LRGUK: variants seen among roughly 807,000 people sequenced by gnomAD.
LRGUK encodes leucine rich repeats and guanylate kinase domain containing.
A neutral mutation model predicts 76.0 loss-of-function variants in LRGUK; 65 were observed. That is an observed-to-expected ratio of 0.85 (90% CI 0.70 to 1.05). The LOEUF (loss-of-function observed/expected upper bound fraction) is 1.05. Among genes scored for constraint, LRGUK ranks in the 50% least tolerant of loss-of-function variants. The pLI, the probability that LRGUK is intolerant of heterozygous loss-of-function variation, is 0.00. For missense variants in LRGUK, 758 were observed against 732.8 expected, an observed-to-expected ratio of 1.03 and a Z score of -0.40; for synonymous variants, 268 against 265.6, an observed-to-expected ratio of 1.01 and a Z score of -0.09.
chr7:134,200,399 T>C (rs555851030), intron 14 of LRGUK, among the ~76,000 whole-genome samples: 95 of 152,276 alleles, frequency 6.2e-4, no homozygotes, highest in Admixed American at 9.8e-4. Flanking sequence ...GAGAAAATTC[T>C]CTGTGTCTAG....
At chr7:134,153,260 G>A (rs1224283369) in intron 5 of LRGUK, among the ~76,000 whole-genome samples, 1 of 151,926 alleles carries the variant, frequency 6.6e-6, no homozygotes, top group African/African-American at 2.4e-5. Flanking sequence ...AATTGTAGTA[G>A]ATTATATCTA....
rs1476409486 is a variant in LRGUK, at chr7:134,191,750, TG to T, written c.1431+1del. The T allele has an allele frequency of 1.3e-6, 2 of 1,595,622 alleles. No individual in the cohort carries two copies. Among genetic ancestry groups the T allele is most frequent in the African/African-American group, 2.7e-5 (2 of 74,566 alleles). On this transcript the variant is annotated frameshift_variant and splice_region_variant, in exon 12 of 16. Transcript: ENST00000645682. LOFTEE classifies it high-confidence loss of function. ...GACGTTTTTGATGAAATGGTGAACA[TG>T]GTAAGAATGTTTGCCTTTGTTTTTA... is the stretch of plus-strand genomic sequence containing the variant.
intron 15 of LRGUK, among the ~76,000 whole-genome samples, chr7:134,207,591 G>T (rs531258687): frequency 6.6e-6 from 1 of 152,276 alleles, no homozygotes; most frequent in East Asian, 1.9e-4. Flanking sequence ...TGCGTGTCCA[G>T]ACCAGGGGCT....
At chr7:134,213,696 A>G (rs1217802648), downstream of LRGUK, among the ~76,000 whole-genome samples, 3 of 152,092 alleles carry the variant, frequency 2.0e-5, no homozygotes, top group South Asian at 2.1e-4. Context: ...TTGGTAGTAT[A>G]TGTTCCTAAT....
downstream of LRGUK, among the ~76,000 whole-genome samples, chr7:134,265,175 G>A (rs1484111076): frequency 6.6e-6 from 1 of 152,100 alleles, no homozygotes; most frequent in Non-Finnish European, 1.5e-5. Context: ...GAATCTTCAA[G>A]AATAGTTTAA....
intron 19 of LRGUK, among the ~76,000 whole-genome samples, chr7:134,261,706 C>T (rs1016620432): frequency 7.2e-5 from 11 of 152,190 alleles, no homozygotes; most frequent in Admixed American, 7.2e-4. Flanking sequence ...TATTTTCTAA[C>T]TTACAGGTCA....
rs1053233757 is a variant in LRGUK, at chr7:134,163,601, T to C, written c.939+61T>C. On this transcript the variant is annotated intron_variant, in intron 7 of 15. Transcript: ENST00000645682. Reference sequence around the variant, plus strand: ...TGACATAAGAGGACATATTAGAGACTTAGCACACACCCTTCATTTTTGGTT... The same window carrying C: ...TGACATAAGAGGACATATTAGAGACCTAGCACACACCCTTCATTTTTGGTT... The C allele has an allele frequency of 5.5e-6, 8 of 1,441,958 alleles. No individual in the cohort carries two copies. In the African/African-American group the frequency reaches 1.1e-4, roughly 20 times the overall value. The allele number at this position is 1,441,958 out of a possible 1,614,324, so 89.3% of individuals were successfully genotyped here.
chr7:134,247,651 A>G lies in LRGUK; in HGVS notation c.2072+7A>G, dbSNP rs747888173. Reference sequence around the variant, plus strand: ...ACACACTCCTATTTCAAAGGTAGCAATTTATCACATGAGCAACTTTAGATT... The same window carrying G: ...ACACACTCCTATTTCAAAGGTAGCAGTTTATCACATGAGCAACTTTAGATT... On this transcript the variant is annotated splice_region_variant and intron_variant, in intron 17 of 19. Transcript: ENST00000285928. 2 of 1,598,050 alleles carry G rather than the reference A, an allele frequency of 1.3e-6. No individual in the cohort carries two copies. The highest frequency in any genetic ancestry group is 1.3e-5 in the African/African-American group (1 of 74,512).
chr7:134,151,715 A>G (rs1257316437), intron 5 of LRGUK, among the ~76,000 whole-genome samples: 1 of 152,126 alleles, frequency 6.6e-6, no homozygotes, highest in Non-Finnish European at 1.5e-5. Flanking sequence ...TCAGGAATGT[A>G]TGGAGAGTTT....
chr7:134,275,903 A>G, the LRGUK span, among the ~76,000 whole-genome samples: 3 of 152,234 alleles, frequency 2.0e-5, no homozygotes, highest in Non-Finnish European at 4.4e-5. Context: ...TGGGGCAAAA[A>G]GAAAGAAAAA....
chr7:134,186,808 G>T (rs1235918189), intron 11 of LRGUK, among the ~76,000 whole-genome samples: 1 of 152,178 alleles, frequency 6.6e-6, no homozygotes, highest in South Asian at 2.1e-4. Flanking sequence ...TTAGGTGGAG[G>T]CACAAGATGG....
chr7:134,172,978 A>G (rs1799320797), intron 7 of LRGUK, among the ~76,000 whole-genome samples: 1 of 152,012 alleles, frequency 6.6e-6, no homozygotes, highest in South Asian at 2.1e-4. Flanking sequence ...CAGAGCAAGA[A>G]CCCATCTCAA....
At chr7:134,175,035 A>G (rs543210481) in intron 8 of LRGUK, among the ~76,000 whole-genome samples, 1 of 152,348 alleles carries the variant, frequency 6.6e-6, no homozygotes, top group South Asian at 2.1e-4. Flanking sequence ...TGTGGTTCCT[A>G]TTCTATAACA....
exon 7 of LRGUK, chr7:134,163,505 G>T (rs17167553): frequency 0.11 from 182,947 of 1,613,212 alleles, 12,718 homozygotes; most frequent in East Asian, 0.33. Context: ...AGAGAATCAT[G>T]ACCTCCTGGA....
In LRGUK at chr7:134,148,242, C is replaced by T. The variant is rs202181409; in HGVS notation, c.593C>T (p.Ala198Val). 63 of 1,598,070 alleles carry T rather than the reference C, an allele frequency of 3.9e-5. No individual in the cohort carries two copies. The East Asian group carries it at 7.2e-4, about 18-fold the overall frequency. Residue 198 changes from alanine (A) to valine (V), a missense_variant, in exon 5 of 16, where the codon GCG becomes GTG. Coordinates refer to ENST00000645682, the Ensembl canonical transcript of LRGUK. ...TTGTTCTCTTTCTCTTGCCAGAAGG[C>T]GGATTTTTCCCACAACCAAATTTCT...
At chr7:134,130,637 C>T (rs1585405803) in intron 1 of LRGUK, among the ~76,000 whole-genome samples, 1 of 152,206 alleles carries the variant, frequency 6.6e-6, no homozygotes, top group East Asian at 1.9e-4. Context: ...TTATTATTCC[C>T]ATCTTAGCCT....
chr7:134,127,737 A>T lies in LRGUK; in HGVS notation c.297+73A>T, dbSNP rs549935022. The stretch of plus-strand genomic sequence containing the variant: ...CTGTTACTTCAGCGGCAGCTCCCCG[A>T]TGCACCCCCACCAGCCCGAAGCTTC... On this transcript the variant is annotated intron_variant, in intron 1 of 15. Transcript: ENST00000645682. 1.7e-5 allele frequency: 25 copies of T among 1,485,122 alleles called. 1 individual carries two copies. The South Asian group carries it at 2.7e-4, about 16-fold the overall frequency. 92.0% of individuals were successfully genotyped at this position (1,485,122 alleles called of 1,614,324 possible). A position where few individuals can be genotyped will look rare whatever the true frequency, so the allele number is the denominator to read the frequency against.
chr7:134,162,604 A>G (rs955957817), intron 6 of LRGUK, among the ~76,000 whole-genome samples: 2 of 152,146 alleles, frequency 1.3e-5, no homozygotes, highest in African/African-American at 4.8e-5. Flanking sequence ...AGGTGGGTTG[A>G]TCACTTGAGG....
At chr7:134,171,482 G>A (rs17167581) in intron 7 of LRGUK, among the ~76,000 whole-genome samples, 21,688 of 151,068 alleles carry the variant, frequency 0.14, 2,200 homozygotes, top group East Asian at 0.38. Flanking sequence ...ACATATATAA[G>A]TTTTTTTTTA....
Sources: gnomAD v4.1 joint callset for allele counts (sites outside exome capture counted in the v4.1 genomes callset) on GRCh38, gnomAD v4.1.1 for gene constraint, MANE v1.5 for transcripts, NCBI Gene and HGNC (gene_info 2026-07-23, HGNC 2026-07-21) for gene names.